RARS2: variants seen among roughly 807,000 people sequenced by gnomAD.
RARS2 encodes probable arginine--tRNA ligase, mitochondrial.
RARS2 carries 67 observed loss-of-function variants against 88.5 expected under a neutral mutation model. The observed-to-expected ratio is 0.76, with a 90% CI of 0.62 to 0.93. RARS2 has a LOEUF of 0.93. Among genes scored for constraint, RARS2 ranks in the 40% least tolerant of loss-of-function variants. The pLI is 0.00. For missense variants in RARS2, 664 were observed against 684.2 expected, an observed-to-expected ratio of 0.97 and a Z score of 0.33; for synonymous variants, 239 against 230.3, an observed-to-expected ratio of 1.04 and a Z score of -0.34.
intron 11 of RARS2, 138 bp downstream of exon 11, chr6:87,524,419 G>A (rs187767116): frequency 1.3e-4 from 99 of 746,244 alleles, no homozygotes; most frequent in Admixed American, 3.7e-4. Context: ...AGTTGATTAT[G>A]AAGTACTTCA....
At chr6:87,526,455 G>C (rs1775745536) in intron 10 of RARS2, among the ~76,000 whole-genome samples, 1 of 151,814 alleles carries the variant, frequency 6.6e-6, no homozygotes, top group East Asian at 1.9e-4. Context: ...GGTGGAGGTT[G>C]TAGTGAGCCA....
chr6:87,554,885 G>A (rs752789281), intron 5 of RARS2, among the ~76,000 whole-genome samples: 5 of 152,090 alleles, frequency 3.3e-5, no homozygotes, highest in Admixed American at 6.6e-5. Context: ...GGCAGATCAC[G>A]AGGTCAGGAG....
At chr6:87,552,307 C>A (rs1750982034) in intron 5 of RARS2, among the ~76,000 whole-genome samples, 1 of 152,156 alleles carries the variant, frequency 6.6e-6, no homozygotes, top group African/African-American at 2.4e-5. Flanking sequence ...AATCCAAGAA[C>A]AATCTTCCTG....
chr6:87,569,617 G>A (rs374202562), intron 1 of RARS2, 27 bp from the exon 2 acceptor site: 10 of 1,532,586 alleles, frequency 6.5e-6, no homozygotes, highest in Non-Finnish European at 9.0e-6. Context: ...ACAAAACAGT[G>A]TAAGATTGTT....
At chr6:87,543,658 AC>A (rs1005844078) in intron 7 of RARS2, among the ~76,000 whole-genome samples, 1 of 152,080 alleles carries the variant, frequency 6.6e-6, no homozygotes, top group African/African-American at 2.4e-5. Context: ...AAAAAAAAAA[AC>A]AATTTATTTC....
At chr6:87,561,967 T>C (rs1787973168) in intron 4 of RARS2, among the ~76,000 whole-genome samples, 1 of 152,162 alleles carries the variant, frequency 6.6e-6, no homozygotes, top group Admixed American at 6.5e-5. Flanking sequence ...TTCATGGCCA[T>C]TGAAATTTTT....
At chr6:87,516,905 C>T (rs774693113) in intron 17 of RARS2, 25 bp from the exon 18 acceptor site, 11 of 1,612,626 alleles carry the variant, frequency 6.8e-6, no homozygotes, top group Non-Finnish European at 8.5e-6. Context: ...GAACAGTGAA[C>T]AGGAAAAGAC....
At chr6:87,578,208 A>G (rs1355846564) in intron 1 of RARS2, among the ~76,000 whole-genome samples, 2 of 152,050 alleles carry the variant, frequency 1.3e-5, no homozygotes, top group Admixed American at 6.5e-5. Context: ...TTTACTTTTC[A>G]ATATGTTGGA....
At chr6:87,537,047 T>C (rs1779395458) in intron 8 of RARS2, among the ~76,000 whole-genome samples, 2 of 152,260 alleles carry the variant, frequency 1.3e-5, no homozygotes, top group South Asian at 4.1e-4. Flanking sequence ...ATTCTGAAAC[T>C]ATCATACAAT....
At position 87,519,545 on chromosome 6, in the gene RARS2, C is replaced by T. The variant is rs13203056; in HGVS notation, c.1237+38G>A. On this transcript the variant is annotated intron_variant, in intron 14 of 19. Coordinates refer to ENST00000369536, the MANE Select transcript of RARS2 (RefSeq NM_020320.5). ...AGTCCAGAATAACATAAAAGTGGCA[C>T]GTAAGTTATGACTTTAATAAGAAAA... 0.046 allele frequency: 72,875 copies of T among 1,581,204 alleles called. 2,057 individuals are homozygous for T. Among genetic ancestry groups the T allele is most frequent in the African/African-American group, 0.12 (8,681 of 74,124 alleles).
At chr6:87,526,572 A>T (rs533437835) in intron 10 of RARS2, among the ~76,000 whole-genome samples, 1 of 151,008 alleles carries the variant, frequency 6.6e-6, no homozygotes, top group East Asian at 1.9e-4. Context: ...TCTACTACAA[A>T]CTATAGTAAT....
At position 87,580,255 on chromosome 6, in the gene RARS2, C is replaced by T. The variant is rs138805627; in HGVS notation, c.36+9667G>A. Among the ~76,000 whole-genome samples the T allele has an allele frequency of 1.8e-3, 281 of 152,004 alleles. 1 individual carries two copies. Among genetic ancestry groups the T allele is most frequent in the Admixed American group, 3.7e-3 (56 of 15,262 alleles). On this transcript the variant is annotated intron_variant, in intron 1 of 19. Coordinates refer to ENST00000369536, the MANE Select transcript of RARS2 (RefSeq NM_020320.5). The stretch of plus-strand genomic sequence containing the variant: ...GGGCTTCATCTAGGACTAGCACAAG[C>T]GAAAAGAAGGTCTACTGATAACTAT...
intron 1 of RARS2, among the ~76,000 whole-genome samples, chr6:87,570,032 G>A (rs1339727135): frequency 6.6e-6 from 1 of 151,652 alleles, no homozygotes; most frequent in Non-Finnish European, 1.5e-5. Flanking sequence ...ATACAGCAGT[G>A]AACAAAACAG....
chr6:87,559,477 A>G (rs1787152152), intron 4 of RARS2, among the ~76,000 whole-genome samples: 1 of 72,282 alleles, frequency 1.4e-5, no homozygotes, highest in Admixed American at 1.8e-4. Context: ...AAAAAAAAAA[A>G]AAAAAAAAAA....
intron 4 of RARS2, among the ~76,000 whole-genome samples, chr6:87,560,108 T>C (rs1409623384): frequency 7.9e-5 from 12 of 152,266 alleles, no homozygotes; most frequent in Admixed American, 7.8e-4. Flanking sequence ...TATCCCATTG[T>C]TAAGCAACAC....
intron 8 of RARS2, among the ~76,000 whole-genome samples, chr6:87,539,220 A>G (rs1044808917): frequency 2.0e-5 from 3 of 152,204 alleles, no homozygotes; most frequent in Non-Finnish European, 4.4e-5. Context: ...AAGGTCTCCA[A>G]GCAGGTATTT....
At position 87,558,021 on chromosome 6, in the gene RARS2, C is replaced by CA. The variant is rs1238347958; in HGVS notation, c.298-2517dup. Reference sequence around the variant, plus strand: ...TGAAACCCCATCTCTACTAAAAATACAAAAAATTAGCCAGGTGTGGTGGTA... The same window carrying CA: ...TGAAACCCCATCTCTACTAAAAATACAAAAAAATTAGCCAGGTGTGGTGGTA... On this transcript the variant is annotated intron_variant, in intron 4 of 19. Coordinates refer to ENST00000369536, the MANE Select transcript of RARS2 (RefSeq NM_020320.5). Among the ~76,000 whole-genome samples the CA allele has an allele frequency of 2.0e-5, 3 of 151,884 alleles. No homozygotes were observed. The East Asian group carries it at 5.8e-4, about 29-fold the overall frequency.
Position 87,514,431 on chromosome 6 carries a change from T to G in RARS2, c.1719A>C (p.Thr573=). 1 of 1,608,458 alleles carries G rather than the reference T, an allele frequency of 6.2e-7. No individual in the cohort carries two copies. The highest frequency in any genetic ancestry group is 8.5e-7 in the Non-Finnish European group (1 of 1,174,950). ...LANGMKLLGI[T]PVCRM ...ATGGAAATTACATCCTACATACAGG[T>G]GTTATTCCAAGAAGTTTCATTCCAT... The change falls in exon 20 of 20, where the codon ACA becomes ACC. Residue 573 remains threonine (T), a synonymous_variant. Transcript: ENST00000369536.
chr6:87,535,194 G>T lies in RARS2; in HGVS notation c.613-4252C>A, dbSNP rs540559629. Among the ~76,000 whole-genome samples the T allele has an allele frequency of 1.8e-3, 271 of 152,256 alleles. 1 individual carries two copies. The highest frequency in any genetic ancestry group is 3.2e-3 in the Non-Finnish European group (215 of 68,012). ...AGTAACATTCCCTGGAAAAAGAAAT[G>T]TAACTTAAAACAATGATGAAATCTT... On this transcript the variant is annotated intron_variant, in intron 8 of 19. Transcript: ENST00000369536.
Sources: allele counts gnomAD v4.1 joint callset (sites outside exome capture counted in the v4.1 genomes callset), GRCh38; gene constraint gnomAD v4.1.1; transcripts MANE v1.5; gene names NCBI Gene and HGNC (gene_info 2026-07-23, HGNC 2026-07-21).